The following MAST2 variants were observed in gnomAD, a reference collection of about 807,000 sequenced individuals.
MAST2 encodes microtubule associated serine/threonine kinase 2, also known as microtubule-associated serine/threonine-protein kinase 2.
A neutral mutation model predicts 147.4 loss-of-function variants in MAST2; 70 were observed. The ratio of observed to expected loss-of-function variants is 0.47; its 90% CI spans 0.39 to 0.58. The LOEUF is 0.58. MAST2 is among the 20% of genes least tolerant of loss of function. MAST2 has a pLI of 0.00. For synonymous variants in MAST2, 869 were observed against 896.8 expected (o/e 0.97, Z 0.55); for missense variants, 2,080 against 2,302.3 (o/e 0.90, Z 1.98).
In MAST2 at chr1:46,028,786, T is replaced by A; in HGVS notation, c.2071T>A (p.Tyr691Asn). The A allele has an allele frequency of 6.2e-7, 1 of 1,614,124 alleles. No homozygotes were observed. Among genetic ancestry groups the A allele is most frequent in the Non-Finnish European group, 8.5e-7 (1 of 1,179,996 alleles). Residue 691 changes from tyrosine to asparagine, a missense_variant, in exon 18 of 29, where the codon TAC (tyrosine) becomes AAC (asparagine). Tyr to Asn is a moderately radical substitution (Grantham distance 143, BLOSUM62 -2). Coordinates refer to ENST00000361297, the MANE Select transcript of MAST2 (RefSeq NM_015112.3). ...TGCCCAGGTATGCGGGACCCCAGAA[T>A]ACATTGCGCCTGAGGTGATCCTGCG... Reference protein sequence around the residue: ...LDKQVCGTPEYIAPEVILRQG... With the variant: ...LDKQVCGTPENIAPEVILRQG...
chr1:45,905,645 G>A (rs1035124767), intron 4 of MAST2, among the ~76,000 whole-genome samples: 4 of 152,016 alleles, frequency 2.6e-5, no homozygotes, highest in East Asian at 1.9e-4. Flanking sequence ...GCATGGTGGC[G>A]GGCACCTGCA....
At chr1:45,821,515 C>CTTT (rs59159342) in intron 1 of MAST2, among the ~76,000 whole-genome samples, 310 of 70,896 alleles carry the variant, frequency 4.4e-3, no homozygotes, top group Middle Eastern at 9.4e-3. Context: ...GTTATTTCTT[C>CTTT]TTTTTTTTTT....
chr1:45,890,662 A>G (rs1245621362), intron 4 of MAST2, among the ~76,000 whole-genome samples: 1 of 152,170 alleles, frequency 6.6e-6, no homozygotes, highest in African/African-American at 2.4e-5. Context: ...AAGCTTTAAC[A>G]TGAATTTTGG....
In MAST2 at chr1:46,031,218, A is replaced by C; in HGVS notation, c.2920A>C (p.Thr974Pro). ...PSGEGVSGPV[T>P]EHSGEQRPKL... The stretch of plus-strand genomic sequence containing the variant: ...TGGAGAGGGGGTATCTGGGCCTGTC[A>C]CTGAACACTCAGGGGAGCAGCGGCC... Residue 974 changes from threonine (T) to proline (P), a missense_variant, in exon 23 of 29, where the codon ACT becomes CCT. Thr to Pro is a conservative substitution (Grantham distance 38). Transcript: ENST00000361297. This position sits in a 1 kb window ranked among gnomAD's most constrained non-coding sequence, Gnocchi z 4.1. The C allele has an allele frequency of 6.4e-7, 1 of 1,553,412 alleles. No individual in the cohort carries two copies. Among genetic ancestry groups the C allele is most frequent in the Non-Finnish European group, 8.7e-7 (1 of 1,146,984 alleles).
intron 3 of MAST2, among the ~76,000 whole-genome samples, chr1:45,859,324 T>TCCTGG (rs1645901722): frequency 6.6e-6 from 1 of 152,294 alleles, no homozygotes; most frequent in East Asian, 1.9e-4. Flanking sequence ...AGTCTCAAAC[T>TCCTGG]CCTGGCCTCA....
intron 3 of MAST2, chr1:45,847,342 C>T: frequency 2.0e-6 from 1 of 497,924 alleles, no homozygotes; most frequent in Non-Finnish European, 4.0e-6. Flanking sequence ...TGCTCCAACT[C>T]ACTGCTAAAT....
chr1:45,974,744 G>A (rs1644065413), intron 5 of MAST2, among the ~76,000 whole-genome samples: 1 of 152,168 alleles, frequency 6.6e-6, no homozygotes, highest in Admixed American at 6.5e-5. Context: ...AGTATGAAGA[G>A]CCAAAGTTAG....
At chr1:45,893,310 C>T (rs1198993886) in intron 4 of MAST2, among the ~76,000 whole-genome samples, 1 of 151,960 alleles carries the variant, frequency 6.6e-6, no homozygotes, top group Non-Finnish European at 1.5e-5. Flanking sequence ...AAGCGATCCT[C>T]CTGTTTCAGC....
chr1:45,842,092 G>A (rs1050947405), intron 3 of MAST2, among the ~76,000 whole-genome samples: 8 of 152,056 alleles, frequency 5.3e-5, no homozygotes, highest in Non-Finnish European at 7.4e-5. Flanking sequence ...CTAGGTGATC[G>A]TTGTATTCTT....
At position 45,939,115 on chromosome 1, in the gene MAST2, G is replaced by GT. The variant is rs563736630; in HGVS notation, c.501-20261dup. Among the ~76,000 whole-genome samples, 174 of 146,512 alleles carry GT rather than the reference G, an allele frequency of 1.2e-3. 1 individual carries two copies. The highest frequency in any genetic ancestry group is 2.9e-3 in the African/African-American group (115 of 40,086). On this transcript the variant is annotated intron_variant, in intron 4 of 28. Transcript: ENST00000361297. Reference sequence around the variant, plus strand: ...AGAACTTACTTGCCTAACCCAAGCTGTTTTTTTTTTCCATTTTCTTCCAGA... The same window carrying GT: ...AGAACTTACTTGCCTAACCCAAGCTGTTTTTTTTTTTCCATTTTCTTCCAGA...
At chr1:45,925,308 G>C (rs1654188473) in intron 4 of MAST2, among the ~76,000 whole-genome samples, 2 of 152,212 alleles carry the variant, frequency 1.3e-5, no homozygotes, top group Non-Finnish European at 2.9e-5. Flanking sequence ...AACAAACGTT[G>C]ATGCTAGCTC....
chr1:45,897,104 CCTT>C (rs1648863363), intron 4 of MAST2, among the ~76,000 whole-genome samples: 1 of 152,200 alleles, frequency 6.6e-6, no homozygotes, highest in South Asian at 2.1e-4. Context: ...TATGGTTTCT[CCTT>C]CTTTCCGTTT....
At chr1:45,927,050 C>T (rs996625100) in intron 4 of MAST2, among the ~76,000 whole-genome samples, 1 of 152,090 alleles carries the variant, frequency 6.6e-6, no homozygotes, top group African/African-American at 2.4e-5. Context: ...AGACATCACA[C>T]GTTGGTAGGA....
chr1:45,813,060 G>A (rs994579612), intron 1 of MAST2, among the ~76,000 whole-genome samples: 6 of 151,932 alleles, frequency 3.9e-5, no homozygotes, highest in African/African-American at 1.5e-4. Flanking sequence ...AAATGGCATA[G>A]TATTTGCATG....
rs751652154 is a variant in MAST2 at position 46,031,199 on chromosome 1, G to A, written c.2901G>A (p.Glu967=). ...GGGTCCTGACACCCCCATCTGGAGA[G>A]GGGGTATCTGGGCCTGTCACTGAAC... The part of the protein sequence containing the change: ...GIWVLTPPSG[E]GVSGPVTEHS... Residue 967 remains glutamate (E), a synonymous_variant, in exon 23 of 29, where the codon GAG becomes GAA. Coordinates refer to ENST00000361297, the MANE Select transcript of MAST2 (RefSeq NM_015112.3). The surrounding 1 kb of genome is among the most constrained non-coding windows in gnomAD (Gnocchi z 4.1). The A allele has an allele frequency of 6.4e-7, 1 of 1,565,896 alleles. No homozygotes were observed. Among genetic ancestry groups the A allele is most frequent in the South Asian group, 1.2e-5 (1 of 85,026 alleles).
chr1:45,816,539 C>G (rs1372805281), intron 1 of MAST2, among the ~76,000 whole-genome samples: 1 of 151,976 alleles, frequency 6.6e-6, no homozygotes, highest in African/African-American at 2.4e-5. Context: ...ATCAGAATCC[C>G]CTAAGGTAAC....
intron 16 of MAST2, among the ~76,000 whole-genome samples, chr1:46,027,516 C>G (rs1034866145): frequency 5.9e-5 from 9 of 152,128 alleles, no homozygotes; most frequent in Admixed American, 5.9e-4. Flanking sequence ...TGGGAATGGG[C>G]AAAAGGCAGG....
At chr1:46,024,981 C>T (rs1399433289) in intron 15 of MAST2, among the ~76,000 whole-genome samples, 4 of 152,144 alleles carry the variant, frequency 2.6e-5, no homozygotes, top group Non-Finnish European at 4.4e-5. Flanking sequence ...TCTCACATGG[C>T]AGCAGACAAG....
chr1:45,868,772 G>C (rs982011510), intron 3 of MAST2, among the ~76,000 whole-genome samples: 1 of 152,078 alleles, frequency 6.6e-6, no homozygotes, highest in Admixed American at 6.6e-5. Flanking sequence ...AAATCTTCAA[G>C]AACCAGGTAG....
Sources: allele counts gnomAD v4.1 joint callset (sites outside exome capture counted in the v4.1 genomes callset), GRCh38; gene constraint gnomAD v4.1.1; non-coding constraint Gnocchi (gnomAD v3.1); transcripts MANE v1.5; gene names NCBI Gene and HGNC (gene_info 2026-07-23, HGNC 2026-07-21).